The following ST7 variants were observed in gnomAD, a reference collection of about 807,000 sequenced individuals.
ST7 encodes the protein suppression of tumorigenicity 7.
Under a neutral mutation model 78.7 loss-of-function variants are expected in ST7, and 28 were observed. The observed-to-expected ratio is 0.36, with a 90% CI of 0.26 to 0.49. ST7 has a LOEUF of 0.49. ST7 is among the 20% of genes least tolerant of loss of function. ST7 has a pLI of 0.99. For missense variants in ST7, 418 were observed against 696.0 expected, an observed-to-expected ratio of 0.60 and a Z score of 4.49; for synonymous variants, 247 against 249.6, an observed-to-expected ratio of 0.99 and a Z score of 0.10.
chr7:117,097,520 TGCCATGTTG>T (rs1209376616), intron 1 of ST7, among the ~76,000 whole-genome samples: 1 of 151,666 alleles, frequency 6.6e-6, no homozygotes, highest in African/African-American at 2.4e-5. Flanking sequence ...GATGGGGTTT[TGCCATGTTG>T]GCTAGGCTGG....
chr7:117,110,028 A>C (rs781106575), intron 2 of ST7, among the ~76,000 whole-genome samples: 8 of 152,184 alleles, frequency 5.3e-5, no homozygotes, highest in Admixed American at 3.3e-4. Context: ...AATATTCCTA[A>C]ATAGAGGCAA....
At chr7:117,158,838 T>A (rs144910359) in intron 9 of ST7, among the ~76,000 whole-genome samples, 4 of 152,340 alleles carry the variant, frequency 2.6e-5, no homozygotes, top group African/African-American at 9.6e-5. Flanking sequence ...CTATTTTCTA[T>A]TTATGCCTTT....
Position 117,222,085 on chromosome 7 carries a change from G to A in ST7, c.1638+23G>A. On this transcript the variant is annotated intron_variant, in intron 15 of 15. Transcript: ENST00000323984. Reference sequence around the variant, plus strand: ...GCTGTGAGTGTTTGCCTAGAGGGAGGCCTTGGGGAATGGATGGGGAAAGCC... The same window carrying A: ...GCTGTGAGTGTTTGCCTAGAGGGAGACCTTGGGGAATGGATGGGGAAAGCC... 3 of 1,587,606 alleles carry A rather than the reference G, an allele frequency of 1.9e-6. No homozygotes were observed. The South Asian group carries it at 3.5e-5, about 18-fold the overall frequency.
chr7:117,000,932 A>G (rs1293431079), intron 1 of ST7, among the ~76,000 whole-genome samples: 1 of 152,234 alleles, frequency 6.6e-6, no homozygotes, highest in Non-Finnish European at 1.5e-5. Flanking sequence ...TGAAAAACCC[A>G]GACATCTGGT....
chr7:117,162,337 GA>G (rs979579233), intron 9 of ST7, among the ~76,000 whole-genome samples: 23 of 151,912 alleles, frequency 1.5e-4, no homozygotes, highest in African/African-American at 4.8e-4. Context: ...TAGATAGGGG[GA>G]AAAAATAAAA....
intron 10 of ST7, among the ~76,000 whole-genome samples, chr7:117,181,402 G>A (rs1808756536): frequency 6.6e-6 from 1 of 152,154 alleles, no homozygotes; most frequent in Non-Finnish European, 1.5e-5. Flanking sequence ...GGTATTGCAG[G>A]TTCAGTTCTG....
At chr7:117,167,086 T>C (rs571765806) in intron 9 of ST7, among the ~76,000 whole-genome samples, 183 of 151,958 alleles carry the variant, frequency 1.2e-3, no homozygotes, top group Non-Finnish European at 2.2e-3. Context: ...TTTTAATTAT[T>C]ATACTTTAAG....
intron 1 of ST7, among the ~76,000 whole-genome samples, chr7:117,052,724 C>G (rs1797847676): frequency 6.6e-6 from 1 of 152,158 alleles, no homozygotes; most frequent in Admixed American, 6.5e-5. Flanking sequence ...GAAACCCCGT[C>G]TCTACTAAAA....
At chr7:117,134,332 T>A (rs1303808261) in intron 7 of ST7, 140 bp downstream of exon 7, 1 of 1,281,910 alleles carries the variant, frequency 7.8e-7, no homozygotes, top group Non-Finnish European at 1.1e-6. Flanking sequence ...ATCATCTATA[T>A]CTTCCATCGA....
At chr7:116,958,119 C>T (rs1335135595) in intron 1 of ST7, among the ~76,000 whole-genome samples, 1 of 149,752 alleles carries the variant, frequency 6.7e-6, no homozygotes, top group African/African-American at 2.5e-5. Flanking sequence ...CCACCTCAGT[C>T]TTAGTAGCTG....
At chr7:117,012,944 A>G (rs1795447331) in intron 1 of ST7, among the ~76,000 whole-genome samples, 1 of 152,198 alleles carries the variant, frequency 6.6e-6, no homozygotes, top group African/African-American at 2.4e-5. Context: ...TCGGTCTTAT[A>G]CTTTCTAATT....
intron 10 of ST7, among the ~76,000 whole-genome samples, chr7:117,186,887 T>C (rs145957378): frequency 8.3e-4 from 126 of 152,340 alleles, no homozygotes; most frequent in Middle Eastern, 3.4e-3. Context: ...ATGAACAATC[T>C]TTGTGCACAT....
chr7:116,972,609 A>G (rs754090938), intron 1 of ST7: 7 of 1,404,808 alleles, frequency 5.0e-6, no homozygotes, highest in Non-Finnish European at 7.0e-6. Context: ...TCTTTTCTTC[A>G]TCTTTTAAGG....
At chr7:117,156,725 A>T (rs1334254264) in intron 9 of ST7, among the ~76,000 whole-genome samples, 1 of 152,190 alleles carries the variant, frequency 6.6e-6, no homozygotes, top group Non-Finnish European at 1.5e-5. Context: ...GTGTGTTAAC[A>T]TGGGGGCTTA....
At chr7:117,064,499 T>C (rs1338257704) in intron 1 of ST7, among the ~76,000 whole-genome samples, 1 of 152,210 alleles carries the variant, frequency 6.6e-6, no homozygotes, top group African/African-American at 2.4e-5. Context: ...ATGTGTATAG[T>C]GGTGTCTTCA....
intron 1 of ST7, among the ~76,000 whole-genome samples, chr7:117,035,569 T>G (rs1397349456): frequency 8.5e-5 from 13 of 152,214 alleles, no homozygotes. Context: ...TTCATAGCTG[T>G]CAGAACCTTT....
At chr7:117,123,085 C>T (rs1018510796) in intron 3 of ST7, among the ~76,000 whole-genome samples, 3 of 152,022 alleles carry the variant, frequency 2.0e-5, no homozygotes, top group Non-Finnish European at 4.4e-5. Context: ...TAAGATGGCC[C>T]TTTGCTGAAT....
chr7:117,021,227 A>G (rs998307789), intron 1 of ST7, among the ~76,000 whole-genome samples: 8 of 152,138 alleles, frequency 5.3e-5, no homozygotes, highest in Non-Finnish European at 1.0e-4. Flanking sequence ...AACTTATACA[A>G]TGAAATTGCT....
At chr7:117,090,608 T>C (rs1800538831) in intron 1 of ST7, 1 of 157,268 alleles carries the variant, frequency 6.4e-6, no homozygotes, top group South Asian at 2.1e-4. Context: ...AAATAGACAT[T>C]TATTTTTTCT....
Sources: allele counts gnomAD v4.1 joint callset (sites outside exome capture counted in the v4.1 genomes callset), GRCh38; gene constraint gnomAD v4.1.1; transcripts MANE v1.5; gene names NCBI Gene and HGNC (gene_info 2026-07-23, HGNC 2026-07-21).